The following MSI2 variants were observed in gnomAD, a reference collection of about 807,000 sequenced individuals.
MSI2 encodes musashi RNA binding protein 2.
In MSI2, 17 loss-of-function variants were observed where a neutral mutation model predicts 45.6. That is an observed-to-expected ratio of 0.37 (90% CI 0.26 to 0.56). The LOEUF is 0.56. MSI2 is among the 20% of genes least tolerant of loss of function. The probability of loss-of-function intolerance (pLI) is 0.77; values close to 1 mark genes in which losing one functional copy is unlikely to be tolerated. For missense variants in MSI2, 293 were observed against 444.2 expected (o/e 0.66, Z 3.06); for synonymous variants, 156 against 158.2 (o/e 0.99, Z 0.11).
chr17:57,570,988 T>C (rs1436745826), intron 7 of MSI2, among the ~76,000 whole-genome samples: 4 of 152,128 alleles, frequency 2.6e-5, no homozygotes, highest in Admixed American at 6.5e-5. Flanking sequence ...CCTGCAGATT[T>C]GAGCAAAGCC....
chr17:57,636,368 C>G (rs1338273496), intron 10 of MSI2, among the ~76,000 whole-genome samples: 1 of 152,226 alleles, frequency 6.6e-6, no homozygotes, highest in African/African-American at 2.4e-5. Flanking sequence ...CTGCAGCTGC[C>G]ATGCTCAAGG....
chr17:57,549,351 GCA>G (rs1392523921), intron 7 of MSI2, among the ~76,000 whole-genome samples: 1 of 125,568 alleles, frequency 8.0e-6, no homozygotes, highest in Admixed American at 9.2e-5. Context: ...GGGTTTAGTT[GCA>G]CAGTGCCCAG....
At chr17:57,323,909 G>A (rs1246924366) in intron 5 of MSI2, among the ~76,000 whole-genome samples, 1 of 152,182 alleles carries the variant, frequency 6.6e-6, no homozygotes, top group Non-Finnish European at 1.5e-5. Context: ...CACAGGTTCT[G>A]AGATGGTTTT....
chr17:57,347,675 A>C (rs1915720125), intron 5 of MSI2, among the ~76,000 whole-genome samples: 2 of 152,302 alleles, frequency 1.3e-5, no homozygotes, highest in African/African-American at 4.8e-5. Context: ...CCTGAAAGCA[A>C]AGAAGTGGAA....
chr17:57,627,454 AAGGCC>A lies in MSI2; in HGVS notation c.727+155_727+159del, dbSNP rs1218219642. The A allele has an allele frequency of 5.6e-6, 4 of 718,930 alleles. No homozygotes were observed. Among genetic ancestry groups the A allele is most frequent in the Non-Finnish European group, 4.9e-6 (2 of 409,538 alleles). 44.5% of individuals were successfully genotyped at this position (718,930 alleles called of 1,614,324 possible). A position where few individuals can be genotyped will look rare whatever the true frequency, so the allele number is the denominator to read the frequency against. Reference sequence around the variant, plus strand: ...ATAAATTTCAAATCCACTGAAGTTCAAGGCCAGGATGCAGCTCAGAGTTTTTGATT... The same window carrying A: ...ATAAATTTCAAATCCACTGAAGTTCAAGGATGCAGCTCAGAGTTTTTGATT... On this transcript the variant is annotated intron_variant, in intron 10 of 13. Coordinates refer to ENST00000284073, the MANE Select transcript of MSI2 (RefSeq NM_138962.4). This position sits in a 1 kb window ranked among gnomAD's most constrained non-coding sequence, Gnocchi z 4.6.
chr17:57,492,195 G>T (rs541434511), intron 6 of MSI2, among the ~76,000 whole-genome samples: 1 of 152,296 alleles, frequency 6.6e-6, no homozygotes, highest in South Asian at 2.1e-4. Context: ...TGTTGTCAGG[G>T]GCTCAGTAAT....
In MSI2 at chr17:57,262,027, C is replaced by T. The variant is rs961794365; in HGVS notation, c.271-124C>T. The T allele has an allele frequency of 1.3e-5, 13 of 1,011,260 alleles. No individual in the cohort carries two copies. In the African/African-American group the frequency reaches 2.1e-4, roughly 17 times the overall value. 62.6% of individuals were successfully genotyped at this position (1,011,260 alleles called of 1,614,324 possible). Reference sequence around the variant, plus strand: ...AAAGTTTAAGAAACTTTTGAGTTGCCTGAGAAGTTACTAAAAGCTGGATTA... The same window carrying T: ...AAAGTTTAAGAAACTTTTGAGTTGCTTGAGAAGTTACTAAAAGCTGGATTA... On this transcript the variant is annotated intron_variant, in intron 4 of 13. Transcript: ENST00000284073.
chr17:57,671,925 C>T (rs909518409), intron 11 of MSI2, among the ~76,000 whole-genome samples: 1 of 152,208 alleles, frequency 6.6e-6, no homozygotes, highest in African/African-American at 2.4e-5. Flanking sequence ...TTCTTCTGCT[C>T]ACAGAGACAG....
At chr17:57,355,178 C>A (rs1030672144) in intron 5 of MSI2, among the ~76,000 whole-genome samples, 5 of 152,200 alleles carry the variant, frequency 3.3e-5, no homozygotes, top group African/African-American at 1.2e-4. Context: ...CTCCTTTTCT[C>A]TGTGGGTTGG....
At chr17:57,647,251 A>T (rs1910730396) in intron 10 of MSI2, among the ~76,000 whole-genome samples, 1 of 142,612 alleles carries the variant, frequency 7.0e-6, no homozygotes, top group African/African-American at 2.7e-5. Context: ...CAACATGGTG[A>T]AATCTCGACT....
At chr17:57,391,980 C>G (rs959419238) in intron 5 of MSI2, among the ~76,000 whole-genome samples, 5 of 152,208 alleles carry the variant, frequency 3.3e-5, no homozygotes, top group Admixed American at 6.5e-5. Flanking sequence ...TCTGAATCAC[C>G]GTGTGGTGAG....
chr17:57,466,827 C>T (rs917802671), intron 6 of MSI2, among the ~76,000 whole-genome samples: 4 of 152,100 alleles, frequency 2.6e-5, no homozygotes, highest in African/African-American at 9.7e-5. Context: ...TTAGGTCCAA[C>T]TTTCAAATGA....
chr17:57,639,936 C>G (rs1433928026), intron 10 of MSI2, among the ~76,000 whole-genome samples: 1 of 152,208 alleles, frequency 6.6e-6, no homozygotes, highest in African/African-American at 2.4e-5. Flanking sequence ...TCACCAAGCA[C>G]TATGTCACAG....
At chr17:57,443,905 A>C (rs539707721) in intron 6 of MSI2, among the ~76,000 whole-genome samples, 2 of 152,108 alleles carry the variant, frequency 1.3e-5, no homozygotes, top group East Asian at 3.9e-4. Context: ...CTTACCAAAA[A>C]CTGGGCAGAT....
intron 7 of MSI2, among the ~76,000 whole-genome samples, chr17:57,533,721 G>A (rs931833938): frequency 6.6e-6 from 1 of 152,182 alleles, no homozygotes; most frequent in Admixed American, 6.5e-5. Flanking sequence ...GACTTGCGAT[G>A]CCCTTCTGTA....
chr17:57,635,190 G>A (rs569599773), intron 10 of MSI2, among the ~76,000 whole-genome samples: 1 of 152,036 alleles, frequency 6.6e-6, no homozygotes, highest in African/African-American at 2.4e-5. Flanking sequence ...CATCTTGGGT[G>A]GGAGGAGATC....
At position 57,317,135 on chromosome 17, in the gene MSI2, A is replaced by G. The variant is rs1161735179; in HGVS notation, c.312+54943A>G. Among the ~76,000 whole-genome samples the G allele has an allele frequency of 3.9e-5, 6 of 152,216 alleles. No homozygotes were observed. The East Asian group carries it at 7.7e-4, about 20-fold the overall frequency. Reference sequence around the variant, plus strand: ...CTAGGGGGCCTTTCACCTCTTTGCCATCTCTGATAGGTTGGAAGAAGCTTG... The same window carrying G: ...CTAGGGGGCCTTTCACCTCTTTGCCGTCTCTGATAGGTTGGAAGAAGCTTG... On this transcript the variant is annotated intron_variant, in intron 5 of 13. Transcript: ENST00000284073.
chr17:57,265,310 T>C (rs1907672956), intron 5 of MSI2: 1 of 152,210 alleles, frequency 6.6e-6, no homozygotes, highest in Non-Finnish European at 1.5e-5. Flanking sequence ...GAGGAGCTTG[T>C]AAATGATATG....
chr17:57,558,651 T>C (rs1016536955), intron 7 of MSI2, among the ~76,000 whole-genome samples: 1 of 152,214 alleles, frequency 6.6e-6, no homozygotes, highest in Non-Finnish European at 1.5e-5. Context: ...CTGCCAGTTA[T>C]AAAGCACCAG....
Sources: gnomAD v4.1 joint callset for allele counts (sites outside exome capture counted in the v4.1 genomes callset) on GRCh38, gnomAD v4.1.1 for gene constraint, Gnocchi (gnomAD v3.1) non-coding constraint, MANE v1.5 for transcripts, NCBI Gene and HGNC (gene_info 2026-07-23, HGNC 2026-07-21) for gene names.